Variants in SI observed in about 807,000 individuals in gnomAD.
The protein encoded by SI is sucrase-isomaltase, intestinal.
Under a neutral mutation model 253.3 loss-of-function variants are expected in SI, and 235 were observed. The ratio of observed to expected loss-of-function variants is 0.93; its 90% CI spans 0.83 to 1.03. SI has a LOEUF of 1.03. Ranked by LOEUF, SI falls within the 50% of genes least tolerant of loss-of-function variation. SI has a pLI of 0.00. For missense variants in SI, 2,442 were observed against 2,211.1 expected (o/e 1.10, Z -2.09); for synonymous variants, 819 against 712.0 (o/e 1.15, Z -2.39).
intron 37 of SI, among the ~76,000 whole-genome samples, chr3:165,000,418 T>G (rs1718204350): frequency 6.6e-6 from 1 of 151,370 alleles, no homozygotes; most frequent in Non-Finnish European, 1.5e-5. Flanking sequence ...TATTTCAGAA[T>G]AGCTAAAAGA....
intron 26 of SI, 124 bp from the exon 27 acceptor site, chr3:165,021,507 T>C: frequency 1.3e-6 from 1 of 786,204 alleles, no homozygotes. Flanking sequence ...TAATTTCTAA[T>C]TCTACATTCA....
chr3:165,052,369 T>C (rs1219444415), intron 13 of SI, among the ~76,000 whole-genome samples: 1 of 152,144 alleles, frequency 6.6e-6, no homozygotes, highest in Non-Finnish European at 1.5e-5. Flanking sequence ...TCTAAAGATA[T>C]GTAGGTGTCA....
intron 13 of SI, among the ~76,000 whole-genome samples, chr3:165,054,795 C>T (rs897040627): frequency 1.3e-5 from 2 of 152,224 alleles, no homozygotes; most frequent in South Asian, 2.1e-4. Flanking sequence ...AGGGCAGGGG[C>T]TTATTCAGAT....
chr3:165,058,887 C>CACACACACACACAT, intron 12 of SI, 76 bp downstream of exon 12: 1 of 1,224,656 alleles, frequency 8.2e-7, no homozygotes, highest in Non-Finnish European at 1.2e-6. Context: ...CACACACACA[C>CACACACACACACAT]GCACATCCAC....
upstream of SI, among the ~76,000 whole-genome samples, chr3:165,081,184 G>A (rs777047869): frequency 2.0e-5 from 3 of 152,016 alleles, no homozygotes; most frequent in African/African-American, 7.2e-5. Flanking sequence ...TTAAAAAGGT[G>A]TTTTAACTTA....
intron 38 of SI, among the ~76,000 whole-genome samples, chr3:164,998,316 T>C (rs1272457896): frequency 1.3e-5 from 2 of 151,816 alleles, no homozygotes; most frequent in Non-Finnish European, 2.9e-5. Context: ...CCAATAACAA[T>C]GACACCATTT....
At chr3:165,010,622 C>G (rs912030850) in intron 34 of SI, among the ~76,000 whole-genome samples, 1 of 152,102 alleles carries the variant, frequency 6.6e-6, no homozygotes, top group Non-Finnish European at 1.5e-5. Context: ...AGTGCCAGAT[C>G]TTTTTCATTA....
At chr3:165,005,341 C>A (rs1302527037) in intron 37 of SI, among the ~76,000 whole-genome samples, 2 of 151,660 alleles carry the variant, frequency 1.3e-5, no homozygotes, top group Non-Finnish European at 2.9e-5. Context: ...TAAAAAAAAC[C>A]CTAAAAGTGT....
chr3:164,980,193 A>C (rs994044885), intron 47 of SI, among the ~76,000 whole-genome samples: 5 of 151,880 alleles, frequency 3.3e-5, no homozygotes, highest in African/African-American at 9.7e-5. Flanking sequence ...TATAAAATTT[A>C]ATCTTCCTTA....
In SI at chr3:165,055,183, T is replaced by A. The variant is rs1713635857; in HGVS notation, c.1512+11A>T. ...ATTGACCAAAACCATTGGTTTAAAA[T>A]AGCTACTTACAATCCAAAGTCCATC... On this transcript the variant is annotated intron_variant, in intron 13 of 47. Transcript: ENST00000264382. The A allele has an allele frequency of 6.7e-7, 1 of 1,490,630 alleles. No individual in the cohort carries two copies. The highest frequency in any genetic ancestry group is 1.4e-5 in the African/African-American group (1 of 72,550). 92.3% of individuals were successfully genotyped at this position (1,490,630 alleles called of 1,614,324 possible). A position where few individuals can be genotyped will look rare whatever the true frequency, so the allele number is the denominator to read the frequency against.
chr3:165,052,387 C>T (rs1208298340), intron 13 of SI, among the ~76,000 whole-genome samples: 2 of 152,084 alleles, frequency 1.3e-5, no homozygotes, highest in Non-Finnish European at 2.9e-5. Context: ...TCATTCAAAT[C>T]ATCTTAAGTC....
intron 13 of SI, among the ~76,000 whole-genome samples, chr3:165,053,085 C>T (rs1420810833): frequency 1.3e-5 from 2 of 151,586 alleles, no homozygotes; most frequent in Non-Finnish European, 2.9e-5. Context: ...TATTGACTAA[C>T]ACTTTTGTTT....
upstream of SI, among the ~76,000 whole-genome samples, chr3:165,079,010 G>T (rs951911103): frequency 2.0e-5 from 3 of 151,522 alleles, no homozygotes; most frequent in Non-Finnish European, 1.5e-5. Flanking sequence ...ACATAAAATA[G>T]AGGTGCCCAG....
At chr3:164,987,069 T>G (rs1424250488) in intron 45 of SI, 69 bp downstream of exon 45, 48 of 1,193,932 alleles carry the variant, frequency 4.0e-5, no homozygotes, top group Non-Finnish European at 5.0e-6. Flanking sequence ...AGAACAATAA[T>G]AGATAACGTA....
intron 22 of SI, among the ~76,000 whole-genome samples, chr3:165,035,545 T>G (rs1410599571): frequency 1.3e-5 from 2 of 151,548 alleles, no homozygotes; most frequent in African/African-American, 4.8e-5. Context: ...AATATTCACA[T>G]GTTTCATATA....
intron 37 of SI, among the ~76,000 whole-genome samples, chr3:165,001,899 A>G (rs1283547263): frequency 6.6e-6 from 1 of 151,620 alleles, no homozygotes; most frequent in African/African-American, 2.4e-5. Flanking sequence ...GTTACATTAA[A>G]TATAATTTTC....
intron 37 of SI, among the ~76,000 whole-genome samples, chr3:164,999,585 A>T (rs1042607509): frequency 6.6e-6 from 1 of 151,674 alleles, no homozygotes; most frequent in Non-Finnish European, 1.5e-5. Context: ...ACACTAACAC[A>T]TTATCAAAAG....
chr3:164,996,428 T>C (rs1718009838), intron 40 of SI, 107 bp downstream of exon 40: 1 of 766,020 alleles, frequency 1.3e-6, no homozygotes, highest in Middle Eastern at 2.9e-4. Flanking sequence ...TCCAAAATTA[T>C]ATATAACATC....
At chr3:164,989,286 A>G (rs1305077791) in intron 44 of SI, among the ~76,000 whole-genome samples, 1 of 150,394 alleles carries the variant, frequency 6.6e-6, no homozygotes, top group African/African-American at 2.4e-5. Context: ...TGGAGGTTGC[A>G]GTGAGCCAAG....
Sources: gnomAD v4.1 joint callset for allele counts (sites outside exome capture counted in the v4.1 genomes callset) on GRCh38, gnomAD v4.1.1 for gene constraint, MANE v1.5 for transcripts, NCBI Gene and HGNC (gene_info 2026-07-23, HGNC 2026-07-21) for gene names.